Variants in KCNQ5 observed in about 807,000 individuals in gnomAD.
KCNQ5 encodes the protein potassium voltage-gated channel subfamily KQT member 5.
Under a neutral mutation model 98.2 loss-of-function variants are expected in KCNQ5, and 30 were observed. That is an observed-to-expected ratio of 0.31 (90% CI 0.23 to 0.41). The LOEUF is 0.41. Ranked by LOEUF, KCNQ5 falls within the 10% of genes least tolerant of loss-of-function variation. The pLI, the probability that KCNQ5 is intolerant of heterozygous loss-of-function variation, is 1.00. For synonymous variants in KCNQ5, 458 were observed against 449.4 expected (o/e 1.02, Z -0.24); for missense variants, 835 against 1,182.5 (o/e 0.71, Z 4.31).
chr6:72,747,057 T>C (rs1320489061), intron 1 of KCNQ5, among the ~76,000 whole-genome samples: 1 of 152,146 alleles, frequency 6.6e-6, no homozygotes, highest in Non-Finnish European at 1.5e-5. Context: ...CAGGGGTTGA[T>C]GATAACCTAA....
At chr6:73,136,382 T>C (rs549728629) in intron 10 of KCNQ5, among the ~76,000 whole-genome samples, 2 of 152,336 alleles carry the variant, frequency 1.3e-5, no homozygotes, top group Admixed American at 1.3e-4. Context: ...CACCACTATC[T>C]ATCACAATAT....
At position 72,683,363 on chromosome 6, in the gene KCNQ5, C is replaced by CT. The variant is rs142268901; in HGVS notation, c.398+60798dup. Among the ~76,000 whole-genome samples, 955 of 113,258 alleles carry CT rather than the reference C, an allele frequency of 8.4e-3. 16 individuals carry two copies. Among genetic ancestry groups the CT allele is most frequent in the South Asian group, 0.018 (58 of 3,180 alleles). 74.3% of individuals were successfully genotyped at this position (113,258 alleles called of 152,430 possible). Reference sequence around the variant, plus strand: ...AGCAAGTGCTTGTTAGCCACATATACTTTTTTTTTTTTTTTTTTTTTTGAG... The same window carrying CT: ...AGCAAGTGCTTGTTAGCCACATATACTTTTTTTTTTTTTTTTTTTTTTTGAG... On this transcript the variant is annotated intron_variant, in intron 1 of 13. Coordinates refer to ENST00000370398, the MANE Select transcript of KCNQ5 (RefSeq NM_019842.4).
chr6:73,031,544 T>A (rs1771147435), intron 2 of KCNQ5, among the ~76,000 whole-genome samples: 2 of 152,224 alleles, frequency 1.3e-5, no homozygotes, highest in African/African-American at 4.8e-5. Flanking sequence ...AACATTTGGC[T>A]AGGGCCTGCT....
At chr6:72,903,604 A>C (rs921929204) in intron 1 of KCNQ5, among the ~76,000 whole-genome samples, 2 of 152,078 alleles carry the variant, frequency 1.3e-5, no homozygotes, top group Non-Finnish European at 2.9e-5. Flanking sequence ...GTCACTCAGG[A>C]CCAGGTTATT....
At chr6:72,637,250 T>C (rs1429260313) in intron 1 of KCNQ5, among the ~76,000 whole-genome samples, 2 of 98,498 alleles carry the variant, frequency 2.0e-5, no homozygotes, top group Non-Finnish European at 5.7e-5. Flanking sequence ...AAACCAAAAG[T>C]TGTGTTTTTT....
intron 1 of KCNQ5, among the ~76,000 whole-genome samples, chr6:72,787,647 C>G (rs188455698): frequency 6.6e-6 from 1 of 152,276 alleles, no homozygotes; most frequent in African/African-American, 2.4e-5. Context: ...AAGAAAGTAA[C>G]TTGAGTACCC....
At chr6:72,902,430 G>A (rs1350258269) in intron 1 of KCNQ5, among the ~76,000 whole-genome samples, 6 of 152,174 alleles carry the variant, frequency 3.9e-5, no homozygotes, top group Non-Finnish European at 8.8e-5. Flanking sequence ...AGTTCTAAGA[G>A]GGAATGCTTT....
intron 11 of KCNQ5, among the ~76,000 whole-genome samples, chr6:73,179,411 A>C (rs1480282958): frequency 6.6e-6 from 1 of 152,174 alleles, no homozygotes; most frequent in Non-Finnish European, 1.5e-5. Flanking sequence ...ATAACTCATT[A>C]ATCCATTAAC....
intron 2 of KCNQ5, among the ~76,000 whole-genome samples, chr6:73,040,755 G>T (rs1771652953): frequency 6.6e-6 from 1 of 152,104 alleles, no homozygotes; most frequent in Admixed American, 6.5e-5. Context: ...GCTCTACTAG[G>T]CATTTCAAAA....
chr6:73,071,078 T>C (rs1445737649), intron 3 of KCNQ5, among the ~76,000 whole-genome samples: 1 of 152,204 alleles, frequency 6.6e-6, no homozygotes, highest in Non-Finnish European at 1.5e-5. Context: ...GGGATGGTTT[T>C]GTTTTTCCCA....
intron 1 of KCNQ5, among the ~76,000 whole-genome samples, chr6:72,999,463 G>A (rs1769460260): frequency 6.6e-6 from 1 of 152,156 alleles, no homozygotes; most frequent in African/African-American, 2.4e-5. Context: ...GACTAATTTT[G>A]AAGGAATATC....
intron 1 of KCNQ5, among the ~76,000 whole-genome samples, chr6:72,627,851 C>A (rs1481433890): frequency 6.6e-6 from 1 of 152,204 alleles, no homozygotes; most frequent in African/African-American, 2.4e-5. Flanking sequence ...CTATTAAACT[C>A]CTAATGTTTC....
intron 5 of KCNQ5, among the ~76,000 whole-genome samples, chr6:73,103,687 G>T (rs770779203): frequency 7.9e-5 from 12 of 152,012 alleles, no homozygotes; most frequent in Non-Finnish European, 1.5e-4. Flanking sequence ...AGAATGATGG[G>T]TACCAGAGTA....
In KCNQ5 at chr6:72,892,656, G is replaced by A. The variant is rs143604848; in HGVS notation, c.399-111252G>A. Among the ~76,000 whole-genome samples the A allele has an allele frequency of 4.8e-3, 727 of 151,612 alleles. 12 individuals are homozygous for A. Among genetic ancestry groups the A allele is most frequent in the East Asian group, 0.021 (106 of 5,142 alleles). On this transcript the variant is annotated intron_variant, in intron 1 of 13. Coordinates refer to ENST00000370398, the MANE Select transcript of KCNQ5 (RefSeq NM_019842.4). ...TCATCTGAAAAGCAATTTGCAGACCGACACTCCTGCTACAGCAATTTTTAT... is the reference window on the plus strand; with the variant it reads ...TCATCTGAAAAGCAATTTGCAGACCAACACTCCTGCTACAGCAATTTTTAT...
intron 1 of KCNQ5, among the ~76,000 whole-genome samples, chr6:72,711,264 G>A (rs967072600): frequency 1.3e-5 from 2 of 151,898 alleles, no homozygotes; most frequent in Non-Finnish European, 2.9e-5. Flanking sequence ...AAGCAGAGAG[G>A]CCTCAGGAGA....
chr6:72,881,643 A>C (rs1778637636), intron 1 of KCNQ5, among the ~76,000 whole-genome samples: 1 of 152,168 alleles, frequency 6.6e-6, no homozygotes, highest in African/African-American at 2.4e-5. Context: ...AGTACAAGCA[A>C]AATGCTACCT....
At chr6:72,728,849 T>C (rs993314) in intron 1 of KCNQ5, among the ~76,000 whole-genome samples, 55,629 of 152,078 alleles carry the variant, frequency 0.37, 13,799 homozygotes, top group African/African-American at 0.67. Context: ...CTCAGTGATA[T>C]GATCTTTTCT....
intron 10 of KCNQ5, among the ~76,000 whole-genome samples, chr6:73,159,988 G>GT (rs771636708): frequency 1.4e-5 from 2 of 137,938 alleles, no homozygotes; most frequent in Admixed American, 6.9e-5. Flanking sequence ...TTCCGCTATG[G>GT]TTTTTTTTGT....
At chr6:73,093,199 G>T (rs887797081) in intron 5 of KCNQ5, among the ~76,000 whole-genome samples, 4 of 152,098 alleles carry the variant, frequency 2.6e-5, no homozygotes, top group African/African-American at 9.7e-5. Context: ...GCGTAATGGT[G>T]TTCATAGTAG....
Sources: gnomAD v4.1 joint callset for allele counts (sites outside exome capture counted in the v4.1 genomes callset) on GRCh38, gnomAD v4.1.1 for gene constraint, MANE v1.5 for transcripts, NCBI Gene and HGNC (gene_info 2026-07-23, HGNC 2026-07-21) for gene names.